The following SYT17 variants were observed in gnomAD, a reference collection of about 807,000 sequenced individuals.
SYT17 encodes synaptotagmin 17, also known as synaptotagmin-17.
A neutral mutation model predicts 46.7 loss-of-function variants in SYT17; 22 were observed. The ratio of observed to expected loss-of-function variants is 0.47; its 90% CI spans 0.34 to 0.67. The LOEUF (loss-of-function observed/expected upper bound fraction) is 0.67. SYT17 is among the 30% of genes least tolerant of loss of function. The pLI, the probability that SYT17 is intolerant of heterozygous loss-of-function variation, is 0.01. For synonymous variants in SYT17, 251 were observed against 248.4 expected (o/e 1.01, Z -0.10); for missense variants, 519 against 612.8 (o/e 0.85, Z 1.62).
intron 5 of SYT17, among the ~76,000 whole-genome samples, chr16:19,210,575 G>C (rs1965860559): frequency 6.6e-6 from 1 of 151,414 alleles, no homozygotes; most frequent in Non-Finnish European, 1.5e-5. Context: ...TGCAAATACA[G>C]GGTTGAGGTA....
chr16:19,238,272 G>A (rs1966875968), intron 7 of SYT17, among the ~76,000 whole-genome samples: 1 of 151,870 alleles, frequency 6.6e-6, no homozygotes, highest in Non-Finnish European at 1.5e-5. Flanking sequence ...CAGCTCACAG[G>A]CTATTGTGGG....
chr16:19,195,751 AG>A (rs1163652156), intron 5 of SYT17, among the ~76,000 whole-genome samples: 1 of 151,952 alleles, frequency 6.6e-6, no homozygotes, highest in Non-Finnish European at 1.5e-5. Context: ...TGGGAGGCCA[AG>A]GCGGGGGGAT....
At chr16:19,258,439 G>A (rs1175460825) in intron 7 of SYT17, among the ~76,000 whole-genome samples, 3 of 152,020 alleles carry the variant, frequency 2.0e-5, no homozygotes, top group Non-Finnish European at 4.4e-5. Flanking sequence ...TCAGGTGTTC[G>A]AGACCAGCCT....
At chr16:19,182,371 G>A (rs569810398) in intron 4 of SYT17, among the ~76,000 whole-genome samples, 4 of 152,188 alleles carry the variant, frequency 2.6e-5, no homozygotes, top group South Asian at 4.1e-4. Flanking sequence ...GCCGAGATCC[G>A]CCACTGCACT....
intron 5 of SYT17, among the ~76,000 whole-genome samples, chr16:19,206,777 A>G (rs553027464): frequency 6.6e-6 from 1 of 152,168 alleles, no homozygotes; most frequent in African/African-American, 2.4e-5. Flanking sequence ...TCCCCATTTC[A>G]TAAATCCAGT....
intron 7 of SYT17, among the ~76,000 whole-genome samples, chr16:19,229,019 G>A (rs1398007564): frequency 2.0e-5 from 3 of 152,130 alleles, no homozygotes; most frequent in Admixed American, 2.0e-4. Context: ...TTCTGCAGCT[G>A]AAGTTTAAAA....
At chr16:19,266,355 G>A (rs74011567) in intron 7 of SYT17, among the ~76,000 whole-genome samples, 3,575 of 152,332 alleles carry the variant, frequency 0.023, 143 homozygotes, top group African/African-American at 0.081. Context: ...CTTCTAGTAC[G>A]TAGGTACCCG....
At chr16:19,212,312 G>C (rs930676749) in intron 5 of SYT17, among the ~76,000 whole-genome samples, 4 of 152,176 alleles carry the variant, frequency 2.6e-5, no homozygotes, top group Admixed American at 2.6e-4. Flanking sequence ...TATTTTGAGA[G>C]ATGGAGGGTT....
intron 5 of SYT17, among the ~76,000 whole-genome samples, chr16:19,206,941 C>T (rs531688452): frequency 5.3e-5 from 8 of 152,222 alleles, no homozygotes; most frequent in African/African-American, 1.9e-4. Context: ...AATGTGATCC[C>T]CAATGTTGGA....
intron 3 of SYT17, among the ~76,000 whole-genome samples, chr16:19,179,261 A>G (rs1442385986): frequency 6.6e-6 from 1 of 151,986 alleles, no homozygotes; most frequent in Admixed American, 6.6e-5. Context: ...CCAAGTAACT[A>G]TGACTACAAA....
chr16:19,209,636 C>T (rs569074295), intron 5 of SYT17, among the ~76,000 whole-genome samples: 3 of 151,652 alleles, frequency 2.0e-5, no homozygotes, highest in African/African-American at 7.3e-5. Flanking sequence ...TTTGGGAGAC[C>T]GAGGTGGGCG....
intron 7 of SYT17, among the ~76,000 whole-genome samples, chr16:19,231,547 A>G (rs1278091240): frequency 6.6e-6 from 1 of 150,434 alleles, no homozygotes; most frequent in Non-Finnish European, 1.5e-5. Context: ...AAAAAAAAAA[A>G]AAAGAAAAGA....
At chr16:19,257,810 G>A (rs9935016) in intron 7 of SYT17, among the ~76,000 whole-genome samples, 1,645 of 152,268 alleles carry the variant, frequency 0.011, 33 homozygotes, top group African/African-American at 0.038. Flanking sequence ...CATAATCTGG[G>A]GGTGTCCCTG....
At chr16:19,250,370 T>C (rs1228473472) in intron 7 of SYT17, among the ~76,000 whole-genome samples, 1 of 147,514 alleles carries the variant, frequency 6.8e-6, no homozygotes, top group African/African-American at 2.6e-5. Context: ...TGTGTGTGTG[T>C]GTGTGTGTGT....
chr16:19,247,207 T>A (rs76819469), intron 7 of SYT17, among the ~76,000 whole-genome samples: 3,292 of 152,274 alleles, frequency 0.022, 109 homozygotes, highest in African/African-American at 0.076. Flanking sequence ...CCGTATGATA[T>A]CCCATTCAGT....
intron 7 of SYT17, among the ~76,000 whole-genome samples, chr16:19,230,545 A>C (rs1304429698): frequency 2.0e-5 from 3 of 152,204 alleles, no homozygotes; most frequent in Non-Finnish European, 2.9e-5. Flanking sequence ...AGGAAAGAAA[A>C]AATAAGTAAA....
intron 5 of SYT17, among the ~76,000 whole-genome samples, chr16:19,190,522 C>A (rs1195266838): frequency 6.6e-6 from 1 of 152,200 alleles, no homozygotes; most frequent in African/African-American, 2.4e-5. Flanking sequence ...CTCCAGAACT[C>A]TTGCAAAACT....
In SYT17 at chr16:19,168,489, G is replaced by A. The variant is rs1963951209; in HGVS notation, c.-158G>A. 1.0e-6 allele frequency: 1 copy of A among 986,020 alleles called. No homozygotes were observed. Among genetic ancestry groups the A allele is most frequent in the African/African-American group, 1.7e-5 (1 of 58,960 alleles). The allele number at this position is 986,020 out of a possible 1,614,324, so 61.1% of individuals were successfully genotyped here. ...GCAAGGACGGGGCGGCCGGCGGAGG[G>A]GCGGGCGCCGCTCATCAGCCACGCC... On this transcript the variant is annotated 5_prime_UTR_variant, in exon 1 of 8. Coordinates refer to ENST00000355377, the MANE Select transcript of SYT17 (RefSeq NM_016524.4). This position sits in a 1 kb window ranked among gnomAD's most constrained non-coding sequence, Gnocchi z 6.9.
At chr16:19,257,390 G>A (rs1248784514) in intron 7 of SYT17, among the ~76,000 whole-genome samples, 1 of 107,932 alleles carries the variant, frequency 9.3e-6, no homozygotes, top group Admixed American at 9.5e-5. Flanking sequence ...GATGTACCTT[G>A]TTTTGCAAAA....
Sources: gnomAD v4.1 joint callset for allele counts (sites outside exome capture counted in the v4.1 genomes callset) on GRCh38, gnomAD v4.1.1 for gene constraint, Gnocchi (gnomAD v3.1) non-coding constraint, MANE v1.5 for transcripts, NCBI Gene and HGNC (gene_info 2026-07-23, HGNC 2026-07-21) for gene names.